SLC30A5: variants seen among roughly 807,000 people sequenced by gnomAD.
SLC30A5 encodes the protein proton-coupled zinc antiporter SLC30A5.
Under a neutral mutation model 79.6 loss-of-function variants are expected in SLC30A5, and 33 were observed. The ratio of observed to expected loss-of-function variants is 0.41; its 90% confidence interval spans 0.31 to 0.55. The LOEUF (loss-of-function observed/expected upper bound fraction) is 0.55, where lower values mean the gene tolerates loss of function less well. Ranked by LOEUF, SLC30A5 falls within the 20% of genes least tolerant of loss-of-function variation. SLC30A5 has a pLI of 0.20. For missense variants in SLC30A5, 788 were observed against 928.1 expected, an observed-to-expected ratio of 0.85 and a Z score of 1.96; for synonymous variants, 299 against 319.7, an observed-to-expected ratio of 0.94 and a Z score of 0.69.
intron 14 of SLC30A5, among the ~76,000 whole-genome samples, chr5:69,127,213 CG>C (rs1746721538): frequency 6.6e-6 from 1 of 151,914 alleles, no homozygotes; most frequent in African/African-American, 2.4e-5. Context: ...TGAATGTGTC[CG>C]TGTAAAGGAG....
At chr5:69,104,298 C>T (rs1746020483) in intron 3 of SLC30A5, 1 of 500,928 alleles carries the variant, frequency 2.0e-6, no homozygotes, top group Non-Finnish European at 3.1e-6. Context: ...CCACCACACC[C>T]AGCTCATTTT....
chr5:69,100,939 G>T lies in SLC30A5; in HGVS notation c.206+10G>T, dbSNP rs770075038. 3.3e-5 allele frequency: 50 copies of T among 1,514,098 alleles called. No individual in the cohort carries two copies. The highest frequency in any genetic ancestry group is 4.8e-5 in the East Asian group (2 of 42,092). The allele number at this position is 1,514,098 out of a possible 1,614,324, so 93.8% of individuals were successfully genotyped here. A position where few individuals can be genotyped will look rare whatever the true frequency, so the allele number is the denominator to read the frequency against. ...TTATATTAAAACTTGGGTGAGTGTG[G>T]GGGGGGGTTTTTTCTTGATATTTTT... On this transcript the variant is annotated intron_variant, in intron 2 of 15. Coordinates refer to ENST00000396591, the MANE Select transcript of SLC30A5 (RefSeq NM_022902.5).
rs1324974792 is a variant in SLC30A5 at position 69,094,236 on chromosome 5, G to A, written c.-20G>A. The A allele has an allele frequency of 1.2e-5, 14 of 1,191,456 alleles. No individual in the cohort carries two copies. The highest frequency in any genetic ancestry group is 2.7e-4 in the Middle Eastern group (1 of 3,680). The allele number at this position is 1,191,456 out of a possible 1,614,324, so 73.8% of individuals were successfully genotyped here. Reference sequence around the variant, plus strand: ...GAGACCCCGCGACAGGGGCAGCGGCGGCGGCTCGTGAGCCCCGGGATGGAG... The same window carrying A: ...GAGACCCCGCGACAGGGGCAGCGGCAGCGGCTCGTGAGCCCCGGGATGGAG... On this transcript the variant is annotated 5_prime_UTR_variant, in exon 1 of 16. Coordinates refer to ENST00000396591, the MANE Select transcript of SLC30A5 (RefSeq NM_022902.5).
In SLC30A5 at chr5:69,123,327, T is replaced by C. The variant is rs1205480649; in HGVS notation, c.1900T>C (p.Phe634Leu). The C allele has an allele frequency of 1.2e-6, 2 of 1,613,972 alleles. No individual in the cohort carries two copies. The highest frequency in any genetic ancestry group is 1.7e-6 in the Non-Finnish European group (2 of 1,179,952). Residue 634 changes from phenylalanine (F) to leucine (L), a missense_variant, in exon 14 of 16, where the codon TTT (phenylalanine) becomes CTT (leucine). Phe to Leu is a conservative substitution (Grantham distance 22). Transcript: ENST00000396591. ...LCSLFIAILI[F>L]LSVVPLIKDA... is the part of the protein sequence containing the mutation. ...TTCTCTTTTTATTGCTATATTAATATTTCTCAGTGTTGTTCCACTGATTAA... is the reference window on the plus strand; with the variant it reads ...TTCTCTTTTTATTGCTATATTAATACTTCTCAGTGTTGTTCCACTGATTAA...
At chr5:69,118,325 G>GTGTGTATATA (rs60416809) in intron 11 of SLC30A5, 174 bp from the exon 12 acceptor site, 2 of 188,328 alleles carry the variant, frequency 1.1e-5, no homozygotes, top group African/African-American at 5.5e-5. Flanking sequence ...ATATATATAT[G>GTGTGTATATA]TATATATATA....
chr5:69,121,966 T>A (rs1746547974), intron 13 of SLC30A5, 71 bp downstream of exon 13: 2 of 1,298,526 alleles, frequency 1.5e-6, no homozygotes, highest in African/African-American at 1.5e-5. Flanking sequence ...TTATTTGTAT[T>A]AAGTTTTGGG....
At chr5:69,129,030 T>C (rs543136227) in intron 15 of SLC30A5, among the ~76,000 whole-genome samples, 2 of 152,268 alleles carry the variant, frequency 1.3e-5, no homozygotes, top group African/African-American at 4.8e-5. Flanking sequence ...GATCTCACTA[T>C]GTTGCCCAGG....
chr5:69,116,506 C>T lies in SLC30A5; in HGVS notation c.1185C>T (p.Ser395=), dbSNP rs1746377433. ...YNFMGDAFQH[S]SQSIPRFIKE... is the part of the protein sequence containing the mutation. ...TCATGGGTGATGCTTTTCAGCATAGCTCTCAATCGATCCCTAGGTTTATTA... is the reference window on the plus strand; with the variant it reads ...TCATGGGTGATGCTTTTCAGCATAGTTCTCAATCGATCCCTAGGTTTATTA... Residue 395 remains serine (S), a synonymous_variant, in exon 10 of 16, where the codon AGC becomes AGT. Transcript: ENST00000396591. The surrounding 1 kb of genome is among the most constrained non-coding windows in gnomAD (Gnocchi z 4.0). The T allele has an allele frequency of 1.9e-6, 3 of 1,612,562 alleles. No homozygotes were observed. Among genetic ancestry groups the T allele is most frequent in the Non-Finnish European group, 2.5e-6 (3 of 1,179,242 alleles).
At chr5:69,124,679 G>A (rs763243893) in intron 14 of SLC30A5, among the ~76,000 whole-genome samples, 9 of 152,206 alleles carry the variant, frequency 5.9e-5, no homozygotes, top group African/African-American at 9.6e-5. Flanking sequence ...GGGTTCAAGC[G>A]ATTCTCCTGC....
Position 69,113,014 on chromosome 5 carries a change from T to A in SLC30A5, c.448-126T>A, listed in dbSNP as rs164394. 284,870 of 687,256 alleles carry A rather than the reference T, an allele frequency of 0.41. 60,540 individuals are homozygous for A. Among genetic ancestry groups the A allele is most frequent in the East Asian group, 0.51 (18,732 of 36,906 alleles). The allele number at this position is 687,256 out of a possible 1,614,324, so 42.6% of individuals were successfully genotyped here. The stretch of plus-strand genomic sequence containing the variant: ...AGAGCTTTAATGTCAGATTTTTTTC[T>A]GTTTTTTAATGCATTTTTGTAAATG... On this transcript the variant is annotated intron_variant, in intron 5 of 15. Coordinates refer to ENST00000396591, the MANE Select transcript of SLC30A5 (RefSeq NM_022902.5).
chr5:69,112,153 C>T (rs1278021627), intron 5 of SLC30A5, among the ~76,000 whole-genome samples: 1 of 151,944 alleles, frequency 6.6e-6, no homozygotes, highest in Admixed American at 6.6e-5. Context: ...AAAAATTAGC[C>T]AAGCATGGTG....
intron 3 of SLC30A5, chr5:69,104,423 T>A: frequency 2.3e-6 from 3 of 1,302,722 alleles, no homozygotes; most frequent in Non-Finnish European, 2.9e-6. Context: ...ATTACAGGCA[T>A]GAGCCACAGC....
At position 69,118,479 on chromosome 5, in the gene SLC30A5, A is replaced by G. The variant is rs939384145; in HGVS notation, c.1440-20A>G. 2.5e-6 allele frequency: 4 copies of G among 1,581,964 alleles called. No individual in the cohort carries two copies. The African/African-American group carries it at 4.1e-5, about 16-fold the overall frequency. ...AATATTTGTCCTTTTCCTTTTCTGA[A>G]AAATGTTCTATGTTTTTAGGTACGG... On this transcript the variant is annotated intron_variant, in intron 11 of 15. Transcript: ENST00000396591.
At chr5:69,129,318 A>T in intron 15 of SLC30A5, 129 bp from the exon 16 acceptor site, 1 of 613,422 alleles carries the variant, frequency 1.6e-6, no homozygotes, top group Non-Finnish European at 2.6e-6. Flanking sequence ...TTCAGATTTT[A>T]GAGCGTCTCA....
At chr5:69,099,281 T>A (rs1433111797) in intron 1 of SLC30A5, among the ~76,000 whole-genome samples, 1 of 152,250 alleles carries the variant, frequency 6.6e-6, no homozygotes, top group Non-Finnish European at 1.5e-5. Flanking sequence ...TGTTAATGTA[T>A]CGTCCTGTGT....
chr5:69,114,019 T>G (rs1746299879), intron 6 of SLC30A5, among the ~76,000 whole-genome samples: 1 of 152,202 alleles, frequency 6.6e-6, no homozygotes. Context: ...TCATTTTACA[T>G]GTCAGTCTTA....
chr5:69,129,274 T>C (rs1037373008), intron 15 of SLC30A5, among the ~76,000 whole-genome samples, 173 bp from the exon 16 acceptor site: 1 of 152,210 alleles, frequency 6.6e-6, no homozygotes, highest in African/African-American at 2.4e-5. Flanking sequence ...CCAATGAGCA[T>C]TTCCTTTTAA....
intron 11 of SLC30A5, among the ~76,000 whole-genome samples, chr5:69,117,757 G>A (rs1295778696): frequency 5.3e-5 from 8 of 151,868 alleles, no homozygotes; most frequent in African/African-American, 1.9e-4. Flanking sequence ...CGCACCTGTA[G>A]CCCCAGCTAC....
intron 4 of SLC30A5, 43 bp from the exon 5 acceptor site, chr5:69,108,295 CGTCTTGATAAA>C: frequency 7.4e-7 from 1 of 1,358,432 alleles, no homozygotes; most frequent in Non-Finnish European, 1.0e-6. Context: ...TGAATTCATG[CGTCTTGATAAA>C]GATAAATTAC....
Sources: gnomAD v4.1 joint callset for allele counts (sites outside exome capture counted in the v4.1 genomes callset) on GRCh38, gnomAD v4.1.1 for gene constraint, Gnocchi (gnomAD v3.1) non-coding constraint, MANE v1.5 for transcripts, NCBI Gene and HGNC (gene_info 2026-07-23, HGNC 2026-07-21) for gene names.